CENPO: variants seen among roughly 807,000 people sequenced by gnomAD.
The protein encoded by CENPO is centromeric protein O.
In CENPO, 30 loss-of-function variants were observed where a neutral mutation model predicts 36.1. That is an observed-to-expected ratio of 0.83 (90% confidence interval 0.62 to 1.13). CENPO has a LOEUF of 1.13. Among genes scored for constraint, CENPO ranks in the 50% most tolerant of loss-of-function variants. The pLI is 0.00. For missense variants in CENPO, 349 were observed against 357.8 expected, an observed-to-expected ratio of 0.98 and a Z score of 0.20; for synonymous variants, 171 against 142.3, an observed-to-expected ratio of 1.20 and a Z score of -1.44.
At chr2:24,798,649 A>G (rs1249714354) in intron 2 of CENPO, among the ~76,000 whole-genome samples, 3 of 151,926 alleles carry the variant, frequency 2.0e-5, no homozygotes, top group Non-Finnish European at 4.4e-5. Context: ...TTTGGTAGAG[A>G]CGGGGTTTCA....
intron 3 of CENPO, among the ~76,000 whole-genome samples, chr2:24,804,345 A>C (rs1185780693): frequency 6.6e-6 from 1 of 152,106 alleles, no homozygotes; most frequent in East Asian, 1.9e-4. Context: ...TAATATTGTT[A>C]TGTGTGAATT....
At chr2:24,803,787 G>GA (rs1379986946) in intron 3 of CENPO, among the ~76,000 whole-genome samples, 1 of 152,092 alleles carries the variant, frequency 6.6e-6, no homozygotes, top group Non-Finnish European at 1.5e-5. Context: ...GTGTGGTGCT[G>GA]AAAAAAATGT....
At chr2:24,815,814 G>T in intron 5 of CENPO, 58 bp downstream of exon 5, 5 of 1,532,738 alleles carry the variant, frequency 3.3e-6, no homozygotes, top group Non-Finnish European at 4.5e-6. Flanking sequence ...CTTAAAAGGG[G>T]GATGTTTTTT....
Position 24,822,309 on chromosome 2 carries a change from G to C in CENPO, c.*2991G>C, listed in dbSNP as rs1040487326. The C allele has an allele frequency of 7.5e-6, 5 of 662,996 alleles. No homozygotes were observed. Among genetic ancestry groups the C allele is most frequent in the African/African-American group, 7.3e-5 (4 of 55,058 alleles). 41.1% of individuals were successfully genotyped at this position (662,996 alleles called of 1,614,324 possible). On this transcript the variant is annotated 3_prime_UTR_variant, in exon 8 of 8. Transcript: ENST00000380834. ...CTTAGGCCTGAGCTGTGAACAGCAG[G>C]GGGTTGTGTGTCTGTTCTGTTTCTC...
At chr2:24,814,685 T>C (rs147472831) in intron 4 of CENPO, 192 bp downstream of exon 4, 14 of 564,968 alleles carry the variant, frequency 2.5e-5, no homozygotes, top group Non-Finnish European at 4.4e-5. Context: ...TATCTTCACC[T>C]ACAAGATTGA....
rs1021854013 is a variant in CENPO, at chr2:24,820,994, G to C, written c.*1676G>C. On this transcript the variant is annotated 3_prime_UTR_variant, in exon 8 of 8. Transcript: ENST00000380834. ...TTCAACTTGGCTGTATGCTATTGGAGGGTGGAAATCACATCTCCTGTTTAT... is the reference window on the plus strand; with the variant it reads ...TTCAACTTGGCTGTATGCTATTGGACGGTGGAAATCACATCTCCTGTTTAT... 83 of 1,203,400 alleles carry C rather than the reference G, an allele frequency of 6.9e-5. No individual in the cohort carries two copies. The East Asian group carries it at 2.1e-3, about 30-fold the overall frequency. The allele number at this position is 1,203,400 out of a possible 1,614,324, so 74.5% of individuals were successfully genotyped here.
chr2:24,801,232 T>C (rs954384297), intron 3 of CENPO, among the ~76,000 whole-genome samples: 3 of 152,224 alleles, frequency 2.0e-5, no homozygotes, highest in South Asian at 2.1e-4. Context: ...TATTAGCCCT[T>C]TGTCAGATGA....
rs1247097208 is a variant in CENPO at position 24,817,834 on chromosome 2, C to T, written c.*28C>T. ...GATTGTTTTCACTGCACTGGGAGCA[C>T]ATCAGAGGTAAGTAACCAGTACTGA... On this transcript the variant is annotated 3_prime_UTR_variant, in exon 7 of 8. Transcript: ENST00000380834. 6.2e-7 allele frequency: 1 copy of T among 1,613,582 alleles called. No individual in the cohort carries two copies. Among genetic ancestry groups the T allele is most frequent in the South Asian group, 1.1e-5 (1 of 91,048 alleles).
chr2:24,820,042 TC>T lies in CENPO; in HGVS notation c.*725del. On this transcript the variant is annotated 3_prime_UTR_variant, in exon 8 of 8. Coordinates refer to ENST00000380834, the MANE Select transcript of CENPO (RefSeq NM_001322101.2). ...AAGGTCAGCAGCTCCCCCTTCCCCT[TC>T]ACAAAGATGGGGCCTCGCCTCACAA... 1 of 1,607,214 alleles carries T rather than the reference TC, an allele frequency of 6.2e-7. No homozygotes were observed. The highest frequency in any genetic ancestry group is 8.5e-7 in the Non-Finnish European group (1 of 1,177,012).
At chr2:24,793,632 C>T in intron 1 of CENPO, 131 bp downstream of exon 1, 5 of 1,393,048 alleles carry the variant, frequency 3.6e-6, no homozygotes, top group Non-Finnish European at 4.8e-6. Context: ...GTAGCCGTGG[C>T]CTCGGGAGCG....
At chr2:24,817,017 G>C (rs1352333288) in intron 6 of CENPO, among the ~76,000 whole-genome samples, 200 bp downstream of exon 6, 1 of 152,078 alleles carries the variant, frequency 6.6e-6, no homozygotes, top group Non-Finnish European at 1.5e-5. Context: ...AAACATGATT[G>C]TCCCCATTTT....
intron 5 of CENPO, 93 bp from the exon 6 acceptor site, chr2:24,816,553 C>A: frequency 1.2e-6 from 1 of 801,186 alleles, no homozygotes. Flanking sequence ...AATCGATGGG[C>A]CTCTTTTTGG....
At chr2:24,796,727 T>A (rs1045354353) in intron 2 of CENPO, among the ~76,000 whole-genome samples, 2 of 152,172 alleles carry the variant, frequency 1.3e-5, no homozygotes, top group Non-Finnish European at 2.9e-5. Flanking sequence ...GCACCTGACC[T>A]TGTTCTGAAG....
intron 4 of CENPO, chr2:24,814,705 T>C (rs1427788855): frequency 5.6e-6 from 3 of 540,026 alleles, no homozygotes; most frequent in African/African-American, 1.9e-5. Context: ...ACTGGCCCCT[T>C]TGTACAGCAG....
rs182429048 is a variant in CENPO at position 24,820,311 on chromosome 2, G to C, written c.*993G>C. ...GGGAAGGAGAACCCTGGAGTGACTG[G>C]CTGGGGGCCTCCTCTCATCCAGAGA... On this transcript the variant is annotated 3_prime_UTR_variant, in exon 8 of 8. Coordinates refer to ENST00000380834, the MANE Select transcript of CENPO (RefSeq NM_001322101.2). The C allele has an allele frequency of 3.1e-6, 4 of 1,300,860 alleles. No homozygotes were observed. Among genetic ancestry groups the C allele is most frequent in the Non-Finnish European group, 2.0e-6 (2 of 1,017,248 alleles). The allele number at this position is 1,300,860 out of a possible 1,614,324, so 80.6% of individuals were successfully genotyped here.
Position 24,820,219 on chromosome 2 carries a change from C to T in CENPO, c.*901C>T. 2 of 1,244,256 alleles carry T rather than the reference C, an allele frequency of 1.6e-6. No homozygotes were observed. The highest frequency in any genetic ancestry group is 2.2e-6 in the Non-Finnish European group (2 of 919,860). 77.1% of individuals were successfully genotyped at this position (1,244,256 alleles called of 1,614,324 possible). A position where few individuals can be genotyped will look rare whatever the true frequency, so the allele number is the denominator to read the frequency against. ...GAGCCGAGCACTGATCCATGGGTCC[C>T]AAGCAGTACGGGACACTCCCCAAAC... On this transcript the variant is annotated 3_prime_UTR_variant, in exon 8 of 8. Transcript: ENST00000380834.
intron 3 of CENPO, among the ~76,000 whole-genome samples, chr2:24,813,080 T>C (rs376765450): frequency 6.6e-6 from 1 of 151,990 alleles, no homozygotes; most frequent in Non-Finnish European, 1.5e-5. Flanking sequence ...ACCCTGTCTC[T>C]ACTAAAAATA....
rs980392846 is a variant in CENPO, at chr2:24,815,586, C to G, written c.424C>G (p.Leu142Val). The G allele has an allele frequency of 1.9e-6, 3 of 1,614,026 alleles. No homozygotes were observed. In the South Asian group the frequency reaches 3.3e-5, roughly 18 times the overall value. ...CCTATTGGATTCCTATTTTGTGGAC[C>G]TTGTCATACAGAAACCACTCCGGAT... ...GNLLDSYFVD[L>V]VIQKPLRIHH... Residue 142 changes from leucine (L) to valine (V), a missense_variant, in exon 5 of 8, where the codon CTT (leucine) becomes GTT (valine). Coordinates refer to ENST00000380834, the MANE Select transcript of CENPO (RefSeq NM_001322101.2).
Position 24,821,084 on chromosome 2 carries a change from T to TGGCCAGC in CENPO, c.*1767_*1773dup, listed in dbSNP as rs1237844001. On this transcript the variant is annotated 3_prime_UTR_variant, in exon 8 of 8. Transcript: ENST00000380834. ...TATGCAGATTTACTCGGCATGGTAG[T>TGGCCAGC]GGCCAGCTTCTAACACAGCTGGTAT... 11 of 546,610 alleles carry TGGCCAGC rather than the reference T, an allele frequency of 2.0e-5. No homozygotes were observed. The highest frequency in any genetic ancestry group is 3.5e-5 in the Non-Finnish European group (11 of 317,392). The allele number at this position is 546,610 out of a possible 1,614,324, so 33.9% of individuals were successfully genotyped here.
Sources: gnomAD v4.1 joint callset for allele counts (sites outside exome capture counted in the v4.1 genomes callset) on GRCh38, gnomAD v4.1.1 for gene constraint, MANE v1.5 for transcripts, NCBI Gene and HGNC (gene_info 2026-07-23, HGNC 2026-07-21) for gene names.